DENND1B: variants seen among roughly 807,000 people sequenced by gnomAD.
DENND1B encodes the protein DENN domain containing 1B.
DENND1B carries 59 observed loss-of-function variants against 90.1 expected under a neutral mutation model. The observed-to-expected ratio is 0.65, with a 90% CI of 0.53 to 0.81. The LOEUF (loss-of-function observed/expected upper bound fraction) is 0.81, where lower values mean the gene tolerates loss of function less well. DENND1B is among the 40% of genes least tolerant of loss of function. The probability of loss-of-function intolerance (pLI) is 0.00; values close to 1 mark genes in which losing one functional copy is unlikely to be tolerated. For missense variants in DENND1B, 862 were observed against 912.6 expected, an observed-to-expected ratio of 0.94 and a Z score of 0.71; for synonymous variants, 337 against 324.6, an observed-to-expected ratio of 1.04 and a Z score of -0.41.
At chr1:197,647,445 C>T (rs1680823374) in intron 7 of DENND1B, among the ~76,000 whole-genome samples, 1 of 152,060 alleles carries the variant, frequency 6.6e-6, no homozygotes, top group Non-Finnish European at 1.5e-5. Context: ...TGTACAGGAA[C>T]AAAAACTTAC....
intron 2 of DENND1B, among the ~76,000 whole-genome samples, chr1:197,736,475 G>A (rs1345056754): frequency 6.6e-6 from 1 of 151,976 alleles, no homozygotes; most frequent in Non-Finnish European, 1.5e-5. Context: ...AAGACTACAG[G>A]CGTGTGCCAC....
chr1:197,691,172 C>T (rs918538723), intron 3 of DENND1B, among the ~76,000 whole-genome samples: 15 of 151,280 alleles, frequency 9.9e-5, no homozygotes, highest in Non-Finnish European at 2.2e-4. Flanking sequence ...GAAAGGCAAC[C>T]TATAACATCT....
At chr1:197,735,814 A>G (rs1662618710) in intron 2 of DENND1B, 1 of 1,609,616 alleles carries the variant, frequency 6.2e-7, no homozygotes, top group Admixed American at 1.7e-5. Flanking sequence ...AAGAAGCACA[A>G]AAAGGGACAA....
At chr1:197,746,731 T>G (rs1009149997) in intron 2 of DENND1B, 1 of 1,060,188 alleles carries the variant, frequency 9.4e-7, no homozygotes, top group African/African-American at 1.6e-5. Context: ...CACAAATGTC[T>G]TGAAGCACTC....
In DENND1B at chr1:197,701,459, C is replaced by T. The variant is rs1189458210; in HGVS notation, c.126+13572G>A. 4.6e-5 allele frequency among the ~76,000 whole-genome samples: 7 copies of T among 151,820 alleles called. No homozygotes were observed. The East Asian group carries it at 5.8e-4, about 13-fold the overall frequency. ...CCAGGGGTGAGGGGAAGGAACTTAG[C>T]GGACAGGTGAATAGATGCAGCAAAC... On this transcript the variant is annotated intron_variant, in intron 3 of 22. Transcript: ENST00000620048.
intron 20 of DENND1B, among the ~76,000 whole-genome samples, chr1:197,524,582 T>A (rs535019525): frequency 6.6e-6 from 1 of 152,186 alleles, no homozygotes; most frequent in Admixed American, 6.5e-5. Context: ...AAAATAAACA[T>A]CAATGAAGTA....
chr1:197,510,368 T>C lies in DENND1B; in HGVS notation c.*92A>G. 1 of 1,386,906 alleles carries C rather than the reference T, an allele frequency of 7.2e-7. No homozygotes were observed. The highest frequency in any genetic ancestry group is 2.4e-5 in the East Asian group (1 of 40,854). The allele number at this position is 1,386,906 out of a possible 1,614,324, so 85.9% of individuals were successfully genotyped here. A position where few individuals can be genotyped will look rare whatever the true frequency, so the allele number is the denominator to read the frequency against. On this transcript the variant is annotated 3_prime_UTR_variant, in exon 23 of 23. Coordinates refer to ENST00000620048, the MANE Select transcript of DENND1B (RefSeq NM_001195215.2). The stretch of plus-strand genomic sequence containing the variant: ...TTGCAAATGCAAAAAAAAATTTAAA[T>C]AGTATGAGTTGCCATTCCTACAAAT...
chr1:197,691,260 CAAA>C (rs35506280), intron 3 of DENND1B, among the ~76,000 whole-genome samples: 8 of 108,646 alleles, frequency 7.4e-5, no homozygotes, highest in East Asian at 5.1e-4. Context: ...AACTTAACAG[CAAA>C]AAAAAAAAAA....
rs192501472 is a variant in DENND1B, at chr1:197,716,312, T to C, written c.83-1238A>G. ...TTTCGACAATTAAACTTTTTATTTA[T>C]TAAGGACTAAAAAGTTTCCATATAA... On this transcript the variant is annotated intron_variant, in intron 2 of 22. Transcript: ENST00000620048. Among the ~76,000 whole-genome samples the C allele has an allele frequency of 3.9e-3, 591 of 151,844 alleles. 1 individual carries two copies. The highest frequency in any genetic ancestry group is 6.1e-3 in the Non-Finnish European group (414 of 67,772).
At chr1:197,707,566 G>A (rs138475254) in intron 3 of DENND1B, among the ~76,000 whole-genome samples, 3 of 146,290 alleles carry the variant, frequency 2.1e-5, no homozygotes, top group East Asian at 4.0e-4. Context: ...ATATATATGT[G>A]TAATTATATG....
At chr1:197,562,421 C>T (rs1260101632) in intron 15 of DENND1B, among the ~76,000 whole-genome samples, 1 of 151,878 alleles carries the variant, frequency 6.6e-6, no homozygotes, top group Non-Finnish European at 1.5e-5. Flanking sequence ...ATTTTGGAAA[C>T]TCTTACAATA....
chr1:197,754,161 G>A (rs1653950262), intron 2 of DENND1B, among the ~76,000 whole-genome samples: 1 of 151,838 alleles, frequency 6.6e-6, no homozygotes, highest in Non-Finnish European at 1.5e-5. Context: ...AAAATACATT[G>A]TTAATATTTT....
At chr1:197,569,563 T>TACACACAC (rs4026518) in intron 15 of DENND1B, among the ~76,000 whole-genome samples, 45 of 148,170 alleles carry the variant, frequency 3.0e-4, no homozygotes, top group African/African-American at 7.7e-4. Context: ...AAATGTGGTA[T>TACACACAC]ACACACACAC....
At position 197,510,457 on chromosome 1, in the gene DENND1B, G is replaced by T. The variant is rs1208796071; in HGVS notation, c.*3C>A. 1.9e-6 allele frequency: 3 copies of T among 1,596,174 alleles called. No homozygotes were observed. In the African/African-American group the frequency reaches 4.1e-5, roughly 22 times the overall value. On this transcript the variant is annotated 3_prime_UTR_variant, in exon 23 of 23. Transcript: ENST00000620048. ...TGTCTCCATAGAAGCTTGGATGCAAGATTTAAGTTTGGTTTCCATTTGTGT... is the reference window on the plus strand; with the variant it reads ...TGTCTCCATAGAAGCTTGGATGCAATATTTAAGTTTGGTTTCCATTTGTGT...
intron 13 of DENND1B, among the ~76,000 whole-genome samples, chr1:197,597,159 C>A (rs1572015260): frequency 6.7e-6 from 1 of 148,226 alleles, no homozygotes; most frequent in Admixed American, 6.8e-5. Context: ...AAAATCTAAT[C>A]TCAATAAATG....
At chr1:197,613,636 C>A (rs1572067403) in intron 11 of DENND1B, among the ~76,000 whole-genome samples, 1 of 150,756 alleles carries the variant, frequency 6.6e-6, no homozygotes, top group Non-Finnish European at 1.5e-5. Context: ...TTCTAGGTCT[C>A]CAGAGAAGAA....
At chr1:197,675,273 C>T (rs1655938639) in intron 3 of DENND1B, among the ~76,000 whole-genome samples, 1 of 152,058 alleles carries the variant, frequency 6.6e-6, no homozygotes, top group Non-Finnish European at 1.5e-5. Context: ...AAACCGTATA[C>T]ATAAATATAG....
At chr1:197,622,140 G>A (rs1678227602) in intron 10 of DENND1B, among the ~76,000 whole-genome samples, 1 of 151,336 alleles carries the variant, frequency 6.6e-6, no homozygotes. Flanking sequence ...TGAAACTTCT[G>A]GTCCCAGGTC....
chr1:197,758,763 G>A (rs1295986584), intron 2 of DENND1B, among the ~76,000 whole-genome samples: 1 of 151,996 alleles, frequency 6.6e-6, no homozygotes, highest in Non-Finnish European at 1.5e-5. Context: ...CATTACTCCT[G>A]TTCACCTTGA....
Sources: gnomAD v4.1 joint callset for allele counts (sites outside exome capture counted in the v4.1 genomes callset) on GRCh38, gnomAD v4.1.1 for gene constraint, MANE v1.5 for transcripts, NCBI Gene and HGNC (gene_info 2026-07-23, HGNC 2026-07-21) for gene names.